IL10RB: variants seen among roughly 807,000 people sequenced by gnomAD.
IL10RB encodes the protein interleukin-10 receptor subunit beta.
IL10RB carries 30 observed loss-of-function variants against 38.7 expected under a neutral mutation model. That is an observed-to-expected ratio of 0.78 (90% CI 0.58 to 1.05). IL10RB has a LOEUF of 1.05. Ranked by LOEUF, IL10RB falls within the 50% of genes least tolerant of loss-of-function variation. IL10RB has a pLI of 0.00. For missense variants in IL10RB, 328 were observed against 397.1 expected, an observed-to-expected ratio of 0.83 and a Z score of 1.48; for synonymous variants, 142 against 145.9, an observed-to-expected ratio of 0.97 and a Z score of 0.19.
At chr21:33,300,441 CAAA>C (rs11335398), downstream of IL10RB, among the ~76,000 whole-genome samples, 41 of 134,488 alleles carry the variant, frequency 3.0e-4, no homozygotes, top group African/African-American at 3.0e-4. Context: ...AACTCCATCT[CAAA>C]AAAAAAAAAA....
At chr21:33,266,620 G>C (rs549961628) in intron 1 of IL10RB, 106 bp downstream of exon 1, 3 of 1,142,442 alleles carry the variant, frequency 2.6e-6, no homozygotes, top group South Asian at 1.4e-5. Flanking sequence ...AAGAGCCTTC[G>C]GGGCCTCGGG....
At chr21:33,302,791 A>G (rs2082989229) in intron 1 of IL10RB, among the ~76,000 whole-genome samples, 1 of 152,192 alleles carries the variant, frequency 6.6e-6, no homozygotes, top group African/African-American at 2.4e-5. Context: ...TTACACCACC[A>G]TGGTATACTG....
At chr21:33,275,779 T>C (rs1989159186) in intron 2 of IL10RB, among the ~76,000 whole-genome samples, 1 of 152,230 alleles carries the variant, frequency 6.6e-6, no homozygotes, top group Non-Finnish European at 1.5e-5. Flanking sequence ...GCTTTTGGAA[T>C]AGGGATGCCC....
chr21:33,274,773 G>C (rs1293172963), intron 2 of IL10RB, among the ~76,000 whole-genome samples: 1 of 152,200 alleles, frequency 6.6e-6, no homozygotes, highest in Non-Finnish European at 1.5e-5. Context: ...AGGCAGAGTA[G>C]ATTTGGCATA....
chr21:33,285,338 C>G (rs1162752586), intron 5 of IL10RB, among the ~76,000 whole-genome samples: 2 of 152,228 alleles, frequency 1.3e-5, no homozygotes, highest in African/African-American at 4.8e-5. Context: ...CTGTAACTTA[C>G]TACCTATAGA....
chr21:33,276,224 T>C (rs995365939), intron 2 of IL10RB, among the ~76,000 whole-genome samples: 2 of 152,240 alleles, frequency 1.3e-5, no homozygotes, highest in Non-Finnish European at 2.9e-5. Context: ...ATCAACGTTG[T>C]ATATGTGGTC....
chr21:33,276,891 TAAAG>T (rs1332767836), intron 3 of IL10RB, 138 bp downstream of exon 3: 20 of 695,868 alleles, frequency 2.9e-5, no homozygotes, highest in Non-Finnish European at 4.5e-5. Flanking sequence ...AGGAATATAA[TAAAG>T]AGAGTTGTAT....
Position 33,294,500 on chromosome 21 carries a change from A to C in IL10RB, c.805-1684A>C, listed in dbSNP as rs954000800. Among the ~76,000 whole-genome samples, 3 of 152,070 alleles carry C rather than the reference A, an allele frequency of 2.0e-5. No individual in the cohort carries two copies. The East Asian group carries it at 5.8e-4, about 29-fold the overall frequency. On this transcript the variant is annotated intron_variant, in intron 6 of 6. Transcript: ENST00000290200. ...TCCCCATTATCCCAGGAAAATCCAG[A>C]GTAGCTTCCAGTCCATTCTCATTAA...
chr21:33,306,690 T>C (rs979590023), intron 1 of IL10RB, among the ~76,000 whole-genome samples: 1 of 152,058 alleles, frequency 6.6e-6, no homozygotes, highest in South Asian at 2.1e-4. Context: ...CGTGCCACCA[T>C]GCCCAGATAA....
intron 1 of IL10RB, among the ~76,000 whole-genome samples, chr21:33,267,404 GGGT>G (rs781388981): frequency 1.1e-4 from 17 of 151,686 alleles, no homozygotes; most frequent in Non-Finnish European, 2.2e-4. Flanking sequence ...GTTGGGTGAT[GGGT>G]GGTGGTTTAT....
chr21:33,286,110 A>G (rs1989369988), intron 5 of IL10RB, among the ~76,000 whole-genome samples: 1 of 152,182 alleles, frequency 6.6e-6, no homozygotes, highest in Admixed American at 6.5e-5. Context: ...GGGGCGGCAC[A>G]AGTGCTCAGG....
chr21:33,299,559 A>T (rs1300483412), downstream of IL10RB, among the ~76,000 whole-genome samples: 1 of 151,994 alleles, frequency 6.6e-6, no homozygotes, highest in Admixed American at 6.6e-5. Flanking sequence ...CCCCTCCCCT[A>T]ACATACCTCC....
downstream of IL10RB, among the ~76,000 whole-genome samples, chr21:33,301,668 T>C (rs79734182): frequency 0.015 from 2,283 of 152,342 alleles, 32 homozygotes; most frequent in Non-Finnish European, 0.021. Flanking sequence ...TAGCCAACCC[T>C]TACTTACTGC....
intron 2 of IL10RB, among the ~76,000 whole-genome samples, chr21:33,268,959 G>A (rs1989024811): frequency 6.6e-6 from 1 of 152,112 alleles, no homozygotes; most frequent in African/African-American, 2.4e-5. Context: ...ATGCAAAGCG[G>A]TCAGGAAGCC....
At chr21:33,286,218 G>A (rs542849180) in intron 5 of IL10RB, among the ~76,000 whole-genome samples, 42 of 152,342 alleles carry the variant, frequency 2.8e-4, no homozygotes, top group East Asian at 1.7e-3. Context: ...GCACCATGTC[G>A]TGCCAGCAGG....
downstream of IL10RB, among the ~76,000 whole-genome samples, chr21:33,298,964 T>G (rs184529578): frequency 1.6e-4 from 24 of 152,268 alleles, no homozygotes; most frequent in African/African-American, 4.8e-4. Context: ...AATAAAAGAT[T>G]AGGGTGGGAT....
chr21:33,303,168 G>C (rs2082990156), intron 1 of IL10RB, among the ~76,000 whole-genome samples: 1 of 152,010 alleles, frequency 6.6e-6, no homozygotes, highest in African/African-American at 2.4e-5. Context: ...TCCTGGCCCT[G>C]TCCTCTCTCC....
At chr21:33,267,439 T>G (rs1018490990) in intron 1 of IL10RB, among the ~76,000 whole-genome samples, 3 of 152,046 alleles carry the variant, frequency 2.0e-5, no homozygotes, top group Non-Finnish European at 4.4e-5. Context: ...ACTTTTCTAC[T>G]TGCATGTAGG....
intron 2 of IL10RB, among the ~76,000 whole-genome samples, chr21:33,275,152 CTTTTTT>C (rs71320298): frequency 9.8e-6 from 1 of 102,282 alleles, no homozygotes. Context: ...TCCAACTTTT[CTTTTTT>C]TTTTTTTTTT....
Sources: allele counts gnomAD v4.1 joint callset (sites outside exome capture counted in the v4.1 genomes callset), GRCh38; gene constraint gnomAD v4.1.1; transcripts MANE v1.5; gene names NCBI Gene and HGNC (gene_info 2026-07-23, HGNC 2026-07-21).